TMEM260: variants seen among roughly 807,000 people sequenced by gnomAD.
TMEM260 encodes the protein transmembrane protein 260.
In TMEM260, 82 loss-of-function variants were observed where a neutral mutation model predicts 88.9. The ratio of observed to expected loss-of-function variants is 0.92; its 90% confidence interval spans 0.77 to 1.11. The LOEUF (loss-of-function observed/expected upper bound fraction) is 1.11. Among genes scored for constraint, TMEM260 ranks in the 50% least tolerant of loss-of-function variants. TMEM260 has a pLI of 0.00. For synonymous variants in TMEM260, 314 were observed against 309.3 expected, an observed-to-expected ratio of 1.02 and a Z score of -0.16; for missense variants, 902 against 853.4, an observed-to-expected ratio of 1.06 and a Z score of -0.71.
In TMEM260 at chr14:56,638,983, A is replaced by C. The variant is rs2139643576; in HGVS notation, c.1869+2385A>C. 2.0e-5 allele frequency among the ~76,000 whole-genome samples: 3 copies of C among 152,302 alleles called. No homozygotes were observed. In the South Asian group the frequency reaches 6.2e-4, roughly 32 times the overall value. On this transcript the variant is annotated intron_variant, in intron 15 of 15. Transcript: ENST00000261556. ...TACATGTGACTTAATAGGACATCTA[A>C]AATAAGTTGATAATGTGTCAGTAAC...
intron 15 of TMEM260, among the ~76,000 whole-genome samples, chr14:56,644,787 C>G (rs1889842370): frequency 6.6e-6 from 1 of 151,616 alleles, no homozygotes; most frequent in South Asian, 2.1e-4. Context: ...ACAATGAACT[C>G]AAACAAATTT....
Position 56,605,923 on chromosome 14 carries a change from T to G in TMEM260, c.636+240T>G, listed in dbSNP as rs182027035. ...TGACTGATTCTGAATAGCATCTTGA[T>G]GAAAGTAGGCTGAAAGGACTTAAAG... On this transcript the variant is annotated intron_variant, in intron 5 of 15. Transcript: ENST00000261556. Among the ~76,000 whole-genome samples the G allele has an allele frequency of 7.2e-5, 11 of 152,340 alleles. No homozygotes were observed. The East Asian group carries it at 1.9e-3, about 27-fold the overall frequency.
chr14:56,634,927 G>A lies in TMEM260; in HGVS notation c.1753G>A (p.Ala585Thr), dbSNP rs1056890781. 2 of 1,613,880 alleles carry A rather than the reference G, an allele frequency of 1.2e-6. No individual in the cohort carries two copies. The highest frequency in any genetic ancestry group is 2.7e-5 in the African/African-American group (2 of 74,882). ...TGATCCATCTTCTTGGGAATCTGTG[G>A]CCAATGAAGAAATGTGGCAAGCGAG... is the stretch of plus-strand genomic sequence containing the variant. ...RFDPSSWESVANEEMWQARMK... is the reference protein window; with the variant it reads ...RFDPSSWESVTNEEMWQARMK... The change falls in exon 14 of 16, where the codon GCC becomes ACC. Residue 585 changes from alanine (A) to threonine (T), a missense_variant. Coordinates refer to ENST00000261556, the MANE Select transcript of TMEM260 (RefSeq NM_017799.4).
At chr14:56,594,907 G>C (rs1365965721) in intron 3 of TMEM260, among the ~76,000 whole-genome samples, 1 of 152,082 alleles carries the variant, frequency 6.6e-6, no homozygotes, top group African/African-American at 2.4e-5. Flanking sequence ...GTCTTTCCAG[G>C]GGAAAAATTT....
intron 6 of TMEM260, among the ~76,000 whole-genome samples, chr14:56,609,651 A>C (rs1159254882): frequency 6.6e-6 from 1 of 152,148 alleles, no homozygotes; most frequent in East Asian, 1.9e-4. Context: ...TCAATTTAAA[A>C]AATTTTCCTT....
At chr14:56,596,796 T>A (rs202083672) in intron 3 of TMEM260, among the ~76,000 whole-genome samples, 1,090 of 53,052 alleles carry the variant, frequency 0.021, 9 homozygotes, top group East Asian at 0.065. Flanking sequence ...AAAAAAAAAA[T>A]ATATATATAT....
chr14:56,610,267 T>G (rs111798540), intron 6 of TMEM260, among the ~76,000 whole-genome samples: 11,515 of 152,034 alleles, frequency 0.076, 984 homozygotes, highest in African/African-American at 0.2. Context: ...TTGAGATGGA[T>G]TCTCGCTCTG....
At chr14:56,602,735 GAGAA>G (rs1886651462) in intron 3 of TMEM260, among the ~76,000 whole-genome samples, 1 of 33,882 alleles carries the variant, frequency 3.0e-5, no homozygotes, top group African/African-American at 1.6e-4. Context: ...GATTTTTTAA[GAGAA>G]AGAAAACAAA....
chr14:56,611,982 G>A (rs1204394345), intron 6 of TMEM260, among the ~76,000 whole-genome samples: 3 of 152,048 alleles, frequency 2.0e-5, no homozygotes, highest in African/African-American at 7.2e-5. Context: ...TGTACTTAAG[G>A]GCAGAGGGTA....
downstream of TMEM260, chr14:56,649,970 G>T: frequency 2.8e-6 from 1 of 359,334 alleles, no homozygotes; most frequent in Non-Finnish European, 5.5e-6. Flanking sequence ...AGGGATGTTG[G>T]GCTTCATTCC....
chr14:56,616,020 G>A lies in TMEM260; in HGVS notation c.934G>A (p.Ala312Thr), dbSNP rs2139585381. Reference sequence around the variant, plus strand: ...TGCAGTTTGTGCAAATATATGTTTAGCAACAAAGTAAGTAATACAATTCCT... The same window carrying A: ...TGCAGTTTGTGCAAATATATGTTTAACAACAAAGTAAGTAATACAATTCCT... The part of the protein sequence containing the change: ...ALAVCANICL[A>T]TKDRQNPSLV... The change falls in exon 8 of 16, where the codon GCA (alanine) becomes ACA (threonine). Residue 312 changes from alanine (A) to threonine (T), a missense_variant. Physicochemically the swap from Ala to Thr is moderately conservative, Grantham distance 58. Transcript: ENST00000261556. 1 of 1,606,486 alleles carries A rather than the reference G, an allele frequency of 6.2e-7. No homozygotes were observed. The highest frequency in any genetic ancestry group is 2.2e-5 in the East Asian group (1 of 44,750).
intron 15 of TMEM260, among the ~76,000 whole-genome samples, chr14:56,644,599 C>G (rs1889829868): frequency 6.6e-6 from 1 of 152,114 alleles, no homozygotes; most frequent in South Asian, 2.1e-4. Context: ...TGGGCAAGGA[C>G]TTCATGTCTA....
At chr14:56,642,682 G>A in intron 15 of TMEM260, among the ~76,000 whole-genome samples, 1 of 152,248 alleles carries the variant, frequency 6.6e-6, no homozygotes, top group East Asian at 1.9e-4. Flanking sequence ...AGGAAATAGA[G>A]ACACAAAAAA....
chr14:56,650,804 G>C (rs149547787), downstream of TMEM260, among the ~76,000 whole-genome samples: 436 of 152,064 alleles, frequency 2.9e-3, 4 homozygotes, highest in African/African-American at 0.01. Context: ...TTTCATCATA[G>C]TTCTCATCAA....
chr14:56,619,343 C>CT (rs376941120), intron 10 of TMEM260: 64 of 148,402 alleles, frequency 4.3e-4, no homozygotes, highest in Non-Finnish European at 4.8e-4. Flanking sequence ...TGCCTTTTTT[C>CT]TTTTTTTTTT....
intron 10 of TMEM260, among the ~76,000 whole-genome samples, chr14:56,621,271 G>T (rs1310149689): frequency 6.6e-6 from 1 of 152,144 alleles, no homozygotes; most frequent in Admixed American, 6.5e-5. Flanking sequence ...ACCTATTCTT[G>T]TGTACTGATT....
At chr14:56,601,488 C>T (rs1036699133) in intron 3 of TMEM260, among the ~76,000 whole-genome samples, 6 of 151,982 alleles carry the variant, frequency 3.9e-5, no homozygotes, top group South Asian at 4.1e-4. Flanking sequence ...TTTTCACCAC[C>T]GTAAAGTTAC....
At chr14:56,626,414 A>C (rs1888248230) in intron 12 of TMEM260, among the ~76,000 whole-genome samples, 1 of 152,196 alleles carries the variant, frequency 6.6e-6, no homozygotes, top group Non-Finnish European at 1.5e-5. Flanking sequence ...CAATCCCACA[A>C]GCATTTACTG....
intron 6 of TMEM260, among the ~76,000 whole-genome samples, chr14:56,610,302 GCGATCT>G (rs1887175406): frequency 6.6e-6 from 1 of 151,944 alleles, no homozygotes; most frequent in East Asian, 1.9e-4. Context: ...GTGCAGTGGC[GCGATCT>G]CAGCTCGCTG....
Sources: allele counts gnomAD v4.1 joint callset (sites outside exome capture counted in the v4.1 genomes callset), GRCh38; gene constraint gnomAD v4.1.1; transcripts MANE v1.5; gene names NCBI Gene and HGNC (gene_info 2026-07-23, HGNC 2026-07-21).